The following SBK2 variants were observed in gnomAD, a reference collection of about 807,000 sequenced individuals.
SBK2 encodes the protein SH3 domain binding kinase family member 2.
SBK2 carries 18 observed loss-of-function variants against 15.9 expected under a neutral mutation model. That is an observed-to-expected ratio of 1.13 (90% confidence interval 0.78 to 1.68). The LOEUF (loss-of-function observed/expected upper bound fraction) is 1.68. Among genes scored for constraint, SBK2 ranks in the 40% most tolerant of loss-of-function variants. SBK2 has a pLI of 0.00. For synonymous variants in SBK2, 284 were observed against 246.8 expected, an observed-to-expected ratio of 1.15 and a Z score of -1.41; for missense variants, 581 against 510.9, an observed-to-expected ratio of 1.14 and a Z score of -1.32.
intron 2 of SBK2, 123 bp downstream of exon 2, chr19:55,535,919 A>G: frequency 1.0e-6 from 1 of 966,992 alleles, no homozygotes; most frequent in South Asian, 3.6e-5. Context: ...CAAAAAACAC[A>G]CAGCTTTGGA....
chr19:55,536,634 C>T (rs1188510857), intron 1 of SBK2, among the ~76,000 whole-genome samples: 2 of 151,678 alleles, frequency 1.3e-5, no homozygotes, highest in African/African-American at 4.8e-5. Flanking sequence ...TGAGAACAAA[C>T]AGGTGCTCTT....
intron 1 of SBK2, among the ~76,000 whole-genome samples, chr19:55,536,588 T>G (rs868845836): frequency 1.3e-5 from 2 of 150,020 alleles, no homozygotes; most frequent in African/African-American, 4.9e-5. Context: ...GCAAACAGAC[T>G]TGGGCCCTGG....
chr19:55,536,414 T>C (rs1482247651), intron 1 of SBK2, 118 bp from the exon 2 acceptor site: 17 of 833,926 alleles, frequency 2.0e-5, no homozygotes, highest in Middle Eastern at 3.9e-4. Context: ...GCGCTTCTCA[T>C]TGTGACTCAG....
At position 55,531,233 on chromosome 19, in the gene SBK2, G is replaced by T. The variant is rs765864646; in HGVS notation, c.366C>A (p.Ala122=). ...GTGCCGACTCGATGCCAATGCCGTAGGCCGTCACGATGGCTGAGTGCGCGC... is the reference window on the plus strand; with the variant it reads ...GTGCCGACTCGATGCCAATGCCGTATGCCGTCACGATGGCTGAGTGCGCGC... ...SLGAHSAIVT[A]YGIGIESAHS... Residue 122 remains alanine (A), a synonymous_variant, in exon 3 of 4, where the codon GCC becomes GCA. Transcript: ENST00000413299. 2.6e-5 allele frequency: 42 copies of T among 1,613,678 alleles called. No homozygotes were observed. In the East Asian group the frequency reaches 9.1e-4, roughly 35 times the overall value.
At chr19:55,532,246 A>G (rs550172476) in intron 2 of SBK2, among the ~76,000 whole-genome samples, 1 of 151,312 alleles carries the variant, frequency 6.6e-6, no homozygotes, top group South Asian at 2.1e-4. Context: ...TCACGTGTGG[A>G]AACGACTTCC....
rs760724693 is a variant in SBK2, at chr19:55,531,189, G to A, written c.410C>T (p.Thr137Met). 5 of 1,613,048 alleles carry A rather than the reference G, an allele frequency of 3.1e-6. No homozygotes were observed. The highest frequency in any genetic ancestry group is 1.3e-5 in the African/African-American group (1 of 74,914). ...GAGGTCCCCGTGCAGGACGGGCTCCGTCAGGAAGCTGTAGGAGTGTGCCGA... is the reference window on the plus strand; with the variant it reads ...GAGGTCCCCGTGCAGGACGGGCTCCATCAGGAAGCTGTAGGAGTGTGCCGA... ...IESAHSYSFL[T>M]EPVLHGDLMA... Residue 137 changes from threonine to methionine, a missense_variant, in exon 3 of 4, where the codon ACG becomes ATG. Thr to Met is a moderately conservative substitution (Grantham distance 81). Transcript: ENST00000413299.
Position 55,536,219 on chromosome 19 carries a change from C to T in SBK2, c.76G>A (p.Gly26Ser), listed in dbSNP as rs367641925. Residue 26 changes from glycine to serine, a missense_variant, in exon 2 of 4, where the codon GGC becomes AGC. By Grantham distance (56) the Gly-to-Ser change is moderately conservative (BLOSUM62 0). Transcript: ENST00000413299. ...SEDSEEEGLG[G>S]LTLEELQQGQ... ...TGCTGGAGCTCCTCTAATGTCAGGC[C>T]GCCCAGACCCTCCTCCTCGCTGTCC... The T allele has an allele frequency of 3.9e-5, 62 of 1,606,444 alleles. No homozygotes were observed. The highest frequency in any genetic ancestry group is 8.5e-5 in the Admixed American group (5 of 58,946).
At position 55,529,257 on chromosome 19, in the gene SBK2, G is replaced by A. The variant is rs1459579264; in HGVS notation, c.*476C>T. Reference sequence around the variant, plus strand: ...AAAAAAAGTTAAAAATTAGCCTAGCGTGGTGGCGCATGCCTGTAGTCCCAG... The same window carrying A: ...AAAAAAAGTTAAAAATTAGCCTAGCATGGTGGCGCATGCCTGTAGTCCCAG... On this transcript the variant is annotated 3_prime_UTR_variant, in exon 4 of 4. Coordinates refer to ENST00000413299, the MANE Select transcript of SBK2 (RefSeq NM_001370096.2). 6.6e-6 allele frequency among the ~76,000 whole-genome samples: 1 copy of A among 152,164 alleles called. No individual in the cohort carries two copies. The highest frequency in any genetic ancestry group is 1.5e-5 in the Non-Finnish European group (1 of 68,040).
chr19:55,533,649 G>A (rs1988326406), intron 2 of SBK2, among the ~76,000 whole-genome samples: 1 of 5,544 alleles, frequency 1.8e-4, no homozygotes, highest in South Asian at 6.5e-3. Context: ...GACAGAGCGA[G>A]ACTCCGTCTC....
intron 3 of SBK2, among the ~76,000 whole-genome samples, 158 bp downstream of exon 3, chr19:55,530,985 T>C: frequency 6.6e-6 from 1 of 152,050 alleles, no homozygotes; most frequent in Non-Finnish European, 1.5e-5. Context: ...GCCTAACAAC[T>C]CCACGAGTCC....
chr19:55,533,775 C>T (rs11667111), intron 2 of SBK2, among the ~76,000 whole-genome samples: 60 of 151,354 alleles, frequency 4.0e-4, no homozygotes, highest in Non-Finnish European at 6.8e-4. Flanking sequence ...GTCTCTTCTG[C>T]GTGTTCACAG....
intron 2 of SBK2, 51 bp downstream of exon 2, chr19:55,535,991 G>A (rs370470350): frequency 5.0e-6 from 7 of 1,411,712 alleles, no homozygotes; most frequent in African/African-American, 3.0e-5. Flanking sequence ...CCCCAGGCCC[G>A]TGCCCCGCCC....
intron 2 of SBK2, among the ~76,000 whole-genome samples, chr19:55,533,990 C>T (rs368198588): frequency 3.3e-5 from 5 of 152,174 alleles, no homozygotes; most frequent in South Asian, 2.1e-4. Flanking sequence ...GCAATGCCCC[C>T]GCCTGTTACT....
rs1034503621 is a variant in SBK2, at chr19:55,530,312, C to T, written c.468G>A (p.Pro156=). ...MAFIQPKVGL[P]QPAVHRCAAQ... is the part of the protein sequence containing the mutation. ...CGGCGCAGCGGTGCACCGCGGGCTG[C>T]GGGAGGCCCACCTGCGGGGAGAGGG... Residue 156 remains proline, a synonymous_variant, in exon 4 of 4, where the codon CCG becomes CCA. Transcript: ENST00000413299. 6.4e-6 allele frequency: 9 copies of T among 1,408,852 alleles called. No homozygotes were observed. The African/African-American group carries it at 7.5e-5, about 12-fold the overall frequency. The allele number at this position is 1,408,852 out of a possible 1,614,324, so 87.3% of individuals were successfully genotyped here.
chr19:55,530,161 T>C lies in SBK2; in HGVS notation c.619A>G (p.Thr207Ala). ...CGCAGCAGCGTCCCGCGAGGCCTCG[T>C]GTGGCCGAAGTCGGTCAGCTTGAAG... is the stretch of plus-strand genomic sequence containing the variant. ...RRFKLTDFGH[T>A]RPRGTLLRLA... The change falls in exon 4 of 4, where the codon ACG becomes GCG. Residue 207 changes from threonine to alanine, a missense_variant. Thr to Ala is a moderately conservative substitution (Grantham distance 58, BLOSUM62 0). Coordinates refer to ENST00000413299, the MANE Select transcript of SBK2 (RefSeq NM_001370096.2). 1.3e-6 allele frequency: 2 copies of C among 1,519,362 alleles called. No homozygotes were observed. The highest frequency in any genetic ancestry group is 1.8e-6 in the Non-Finnish European group (2 of 1,135,156). 94.1% of individuals were successfully genotyped at this position (1,519,362 alleles called of 1,614,324 possible).
Position 55,529,967 on chromosome 19 carries a change from G to A in SBK2, c.813C>T (p.Asp271=). The A allele has an allele frequency of 6.5e-7, 1 of 1,529,848 alleles. No homozygotes were observed. Among genetic ancestry groups the A allele is most frequent in the Non-Finnish European group, 8.8e-7 (1 of 1,140,450 alleles). 94.8% of individuals were successfully genotyped at this position (1,529,848 alleles called of 1,614,324 possible). The change falls in exon 4 of 4, where the codon GAC becomes GAT. Residue 271 remains aspartate (D), a synonymous_variant. Transcript: ENST00000413299. ...FPWDRPLAEA[D]PFYEDFLIWQ... ...AGATGAGGAAGTCCTCGTAGAAGGG[G>A]TCGGCCTCGGCCAGGGGCCGGTCCC...
chr19:55,536,478 G>C (rs189504224), intron 1 of SBK2, among the ~76,000 whole-genome samples, 182 bp from the exon 2 acceptor site: 31 of 148,926 alleles, frequency 2.1e-4, no homozygotes, highest in Non-Finnish European at 3.7e-4. Context: ...TCAAGCCCCA[G>C]GTCACAGATG....
At chr19:55,534,392 C>T (rs1294869396) in intron 2 of SBK2, among the ~76,000 whole-genome samples, 1 of 152,046 alleles carries the variant, frequency 6.6e-6, no homozygotes, top group Non-Finnish European at 1.5e-5. Flanking sequence ...GGGCTTCCAG[C>T]CTCCAAAGCT....
chr19:55,536,630 C>G (rs1486201552), intron 1 of SBK2, among the ~76,000 whole-genome samples: 1 of 146,148 alleles, frequency 6.8e-6, no homozygotes, highest in East Asian at 2.2e-4. Context: ...CTCCTGAGAA[C>G]AAACAGGTGC....
Sources: allele counts gnomAD v4.1 joint callset (sites outside exome capture counted in the v4.1 genomes callset), GRCh38; gene constraint gnomAD v4.1.1; transcripts MANE v1.5; gene names NCBI Gene and HGNC (gene_info 2026-07-23, HGNC 2026-07-21).